The following DMXL2 variants were observed in gnomAD, a reference collection of about 807,000 sequenced individuals.
DMXL2 encodes the protein dmX-like protein 2.
DMXL2 carries 103 observed loss-of-function variants against 331.1 expected under a neutral mutation model. The observed-to-expected ratio is 0.31, with a 90% confidence interval of 0.27 to 0.37. DMXL2 has a LOEUF of 0.37. Among genes scored for constraint, DMXL2 ranks in the 10% least tolerant of loss-of-function variants. DMXL2 has a pLI of 1.00. For missense variants in DMXL2, 3,171 were observed against 3,642.9 expected, an observed-to-expected ratio of 0.87 and a Z score of 3.33; for synonymous variants, 1,281 against 1,252.1, an observed-to-expected ratio of 1.02 and a Z score of -0.49.
intron 2 of DMXL2, among the ~76,000 whole-genome samples, chr15:51,572,120 A>G (rs568506383): frequency 6.6e-6 from 1 of 152,332 alleles, no homozygotes; most frequent in South Asian, 2.1e-4. Context: ...ATGATCCCAC[A>G]GAAACACAAA....
intron 29 of DMXL2, among the ~76,000 whole-genome samples, chr15:51,467,401 A>G (rs1243586346): frequency 1.3e-5 from 2 of 152,168 alleles, no homozygotes; most frequent in Admixed American, 6.5e-5. Flanking sequence ...TAAATTAATA[A>G]TATCTCTAGA....
intron 1 of DMXL2, among the ~76,000 whole-genome samples, chr15:51,594,354 G>C (rs1255713493): frequency 1.3e-5 from 2 of 152,104 alleles, no homozygotes; most frequent in East Asian, 1.9e-4. Flanking sequence ...ACCCTCCAAA[G>C]ACTAAACCAG....
chr15:51,463,327 G>T, intron 33 of DMXL2, 52 bp downstream of exon 33: 1 of 1,158,730 alleles, frequency 8.6e-7, no homozygotes, highest in Non-Finnish European at 1.3e-6. Flanking sequence ...CCTTAGAAAT[G>T]TTAAAGAAAA....
At chr15:51,517,955 G>A (rs1239154623) in intron 13 of DMXL2, among the ~76,000 whole-genome samples, 1 of 152,180 alleles carries the variant, frequency 6.6e-6, no homozygotes, top group Non-Finnish European at 1.5e-5. Context: ...AAAAAAATAT[G>A]TAGTTAGGTA....
At chr15:51,616,732 G>A (rs572341028) in intron 1 of DMXL2, among the ~76,000 whole-genome samples, 64 of 152,214 alleles carry the variant, frequency 4.2e-4, no homozygotes, top group African/African-American at 1.5e-3. Flanking sequence ...GAGGTCAAGA[G>A]TTCAAGCCAG....
chr15:51,450,459 G>T, intron 42 of DMXL2, 113 bp from the exon 43 acceptor site: 2 of 1,010,856 alleles, frequency 2.0e-6, no homozygotes, highest in Non-Finnish European at 3.0e-6. Context: ...TCATTCTAAG[G>T]TACATTTATT....
At chr15:51,591,860 C>T (rs535588673) in intron 1 of DMXL2, among the ~76,000 whole-genome samples, 5 of 152,302 alleles carry the variant, frequency 3.3e-5, no homozygotes, top group South Asian at 2.1e-4. Context: ...AGGGTCCTGA[C>T]TCTTAGAAGG....
intron 28 of DMXL2, 89 bp from the exon 29 acceptor site, chr15:51,471,490 C>T: frequency 7.7e-7 from 1 of 1,295,086 alleles, no homozygotes; most frequent in African/African-American, 1.5e-5. Flanking sequence ...CCTACTCTTG[C>T]CATGTTTTGG....
At position 51,464,812 on chromosome 15, in the gene DMXL2, G is replaced by C; in HGVS notation, c.7671C>G (p.Ile2557Met). The change falls in exon 32 of 44, where the codon ATC becomes ATG. Residue 2557 changes from isoleucine (I) to methionine (M), a missense_variant. Physicochemically the swap from Ile to Met is conservative, Grantham distance 10. Coordinates refer to ENST00000560891, the MANE Select transcript of DMXL2 (RefSeq NM_001378457.1). ...CAAACTGATCCATTTTCTCTTGCAA[G>C]ATCTGTTCCCAGTTCTCCAAGTTTT... ...VIKNLENWEQ[I>M]LQEKMDQFEG... is the part of the protein sequence containing the mutation. 1 of 1,614,116 alleles carries C rather than the reference G, an allele frequency of 6.2e-7. No homozygotes were observed. The highest frequency in any genetic ancestry group is 1.7e-4 in the Middle Eastern group (1 of 6,060).
At chr15:51,531,071 C>T (rs965569859) in intron 13 of DMXL2, among the ~76,000 whole-genome samples, 5 of 151,872 alleles carry the variant, frequency 3.3e-5, no homozygotes, top group African/African-American at 1.2e-4. Flanking sequence ...CCAGAATAGC[C>T]AAAGCTATCC....
At chr15:51,489,909 GTA>G (rs1465733786) in intron 20 of DMXL2, among the ~76,000 whole-genome samples, 3 of 152,110 alleles carry the variant, frequency 2.0e-5, no homozygotes, top group Admixed American at 1.3e-4. Flanking sequence ...TAAATCATGT[GTA>G]TATTATCACA....
chr15:51,495,941 T>G (rs1307384331), intron 18 of DMXL2, among the ~76,000 whole-genome samples: 2 of 152,146 alleles, frequency 1.3e-5, no homozygotes, highest in African/African-American at 4.8e-5. Flanking sequence ...TTTAGCTAGA[T>G]AGATAGCTAT....
At chr15:51,527,408 G>GA (rs1243365083) in intron 13 of DMXL2, among the ~76,000 whole-genome samples, 1 of 151,622 alleles carries the variant, frequency 6.6e-6, no homozygotes, top group Non-Finnish European at 1.5e-5. Flanking sequence ...TCTTAAATCA[G>GA]AAAAAAGAGG....
At position 51,537,643 on chromosome 15, in the gene DMXL2, T is replaced by C. The variant is rs1287843809; in HGVS notation, c.1462A>G (p.Thr488Ala). ...SRLSVPMPLPTVLLDRKIETL... is the reference protein window; with the variant it reads ...SRLSVPMPLPAVLLDRKIETL... ...TCAATCTTCCGATCAAGCAGAACCG[T>C]AGGCAGTGGCATTGGTACACTAAGT... Residue 488 changes from threonine (T) to alanine (A), a missense_variant, in exon 11 of 44, where the codon ACG becomes GCG. Thr to Ala is a moderately conservative substitution (Grantham distance 58). Transcript: ENST00000560891. 3.1e-6 allele frequency: 5 copies of C among 1,613,820 alleles called. No homozygotes were observed. In the African/African-American group the frequency reaches 6.7e-5, roughly 22 times the overall value.
intron 33 of DMXL2, chr15:51,460,282 C>T (rs1426219789): frequency 2.0e-6 from 2 of 985,366 alleles, no homozygotes; most frequent in Admixed American, 6.1e-5. Context: ...ACAAACTCTT[C>T]CTCATACCTT....
chr15:51,588,369 G>A (rs1265335966), intron 1 of DMXL2, among the ~76,000 whole-genome samples: 1 of 152,046 alleles, frequency 6.6e-6, no homozygotes, highest in Non-Finnish European at 1.5e-5. Context: ...ATGTTGTCCA[G>A]GCTAGTCTCG....
intron 22 of DMXL2, among the ~76,000 whole-genome samples, chr15:51,487,169 G>C (rs553479836): frequency 6.6e-6 from 1 of 152,180 alleles, no homozygotes; most frequent in African/African-American, 2.4e-5. Flanking sequence ...ATATCAAAAA[G>C]TGGGAAGTTT....
intron 13 of DMXL2, among the ~76,000 whole-genome samples, chr15:51,522,571 G>T (rs1177077529): frequency 6.6e-6 from 1 of 152,200 alleles, no homozygotes; most frequent in Non-Finnish European, 1.5e-5. Flanking sequence ...TTGAACCTAG[G>T]AGGCAGCGGT....
At chr15:51,525,400 T>C (rs1216581507) in intron 13 of DMXL2, among the ~76,000 whole-genome samples, 3 of 151,992 alleles carry the variant, frequency 2.0e-5, no homozygotes, top group Non-Finnish European at 4.4e-5. Flanking sequence ...TATATTAAAA[T>C]TGGAGAGAAG....
Sources: allele counts gnomAD v4.1 joint callset (sites outside exome capture counted in the v4.1 genomes callset), GRCh38; gene constraint gnomAD v4.1.1; transcripts MANE v1.5; gene names NCBI Gene and HGNC (gene_info 2026-07-23, HGNC 2026-07-21).